The following OPCML variants were observed in gnomAD, a reference collection of about 807,000 sequenced individuals.
OPCML encodes the protein opioid binding protein/cell adhesion molecule like.
Under a neutral mutation model 37.8 loss-of-function variants are expected in OPCML, and 13 were observed. The observed-to-expected ratio is 0.34, with a 90% CI of 0.22 to 0.55. OPCML has a LOEUF of 0.55. Among genes scored for constraint, OPCML ranks in the 20% least tolerant of loss-of-function variants. The pLI is 0.91. For synonymous variants in OPCML, 176 were observed against 168.8 expected (o/e 1.04, Z -0.33); for missense variants, 341 against 435.6 (o/e 0.78, Z 1.93).
chr11:132,526,575 C>T (rs114115295), intron 4 of OPCML, among the ~76,000 whole-genome samples: 2 of 152,124 alleles, frequency 1.3e-5, no homozygotes, highest in Non-Finnish European at 2.9e-5. Flanking sequence ...AGCAAAAATA[C>T]GTGTTCTCAG....
intron 2 of OPCML, among the ~76,000 whole-genome samples, chr11:132,916,411 C>T (rs920772409): frequency 1.4e-4 from 21 of 152,162 alleles, no homozygotes; most frequent in Admixed American, 1.2e-3. Flanking sequence ...AAGCCTTCTA[C>T]TGTGGATGCG....
intron 1 of OPCML, among the ~76,000 whole-genome samples, chr11:133,248,963 G>GA (rs1245159826): frequency 6.6e-6 from 1 of 152,202 alleles, no homozygotes; most frequent in Non-Finnish European, 1.5e-5. Flanking sequence ...ATGTTAATGT[G>GA]TCTTGCAAAC....
chr11:133,488,341 A>T (rs183681728), intron 1 of OPCML, among the ~76,000 whole-genome samples: 23 of 152,290 alleles, frequency 1.5e-4, no homozygotes, highest in Admixed American at 3.3e-4. Context: ...TTCAATGATG[A>T]TATGATCTTA....
rs1280351007 is a variant in OPCML at position 133,116,805 on chromosome 11, C to CATACATATATATATATATATATATATAT, written c.62-173796_62-173795insATATATATATATATATATATATATGTAT. On this transcript the variant is annotated intron_variant, in intron 1 of 7. Coordinates refer to ENST00000524381, the MANE Select transcript of OPCML (RefSeq NM_001012393.5). ...TGTGGGAAGATATTTTAAAACTATA[C>CATACATATATATATATATATATATATAT]ATATATATATATGTATGTATCTTGT... Among the ~76,000 whole-genome samples, 678 of 144,008 alleles carry CATACATATATATATATATATATATATAT rather than the reference C, an allele frequency of 4.7e-3. 19 individuals are homozygous for CATACATATATATATATATATATATATAT. Among genetic ancestry groups the CATACATATATATATATATATATATATAT allele is most frequent in the South Asian group, 0.023 (104 of 4,504 alleles). 94.5% of individuals were successfully genotyped at this position (144,008 alleles called of 152,430 possible). A position where few individuals can be genotyped will look rare whatever the true frequency, so the allele number is the denominator to read the frequency against.
intron 2 of OPCML, among the ~76,000 whole-genome samples, chr11:132,817,847 C>T (rs189545385): frequency 1.5e-4 from 23 of 151,608 alleles, no homozygotes; most frequent in Admixed American, 6.6e-4. Context: ...TATATCAATG[C>T]GAAGAGTATT....
chr11:133,033,945 C>T (rs1199133588), intron 1 of OPCML, among the ~76,000 whole-genome samples: 1 of 152,204 alleles, frequency 6.6e-6, no homozygotes, highest in East Asian at 1.9e-4. Context: ...ATGCCAAATG[C>T]AGGATGGCCA....
intron 3 of OPCML, among the ~76,000 whole-genome samples, chr11:132,639,415 T>C (rs1940710390): frequency 6.6e-6 from 1 of 152,216 alleles, no homozygotes; most frequent in Admixed American, 6.5e-5. Flanking sequence ...GGAGCCCTGC[T>C]GGATGGTTGT....
intron 1 of OPCML, among the ~76,000 whole-genome samples, chr11:133,178,432 AATATGAATATATATAT>A (rs781482407): frequency 2.2e-4 from 33 of 151,698 alleles, no homozygotes; most frequent in South Asian, 4.1e-4. Context: ...TCACTTTTCA[AATATGAATATATATAT>A]ATATGAATAT....
intron 3 of OPCML, among the ~76,000 whole-genome samples, chr11:132,531,786 G>A (rs775726954): frequency 6.8e-6 from 1 of 146,234 alleles, no homozygotes; most frequent in Non-Finnish European, 1.5e-5. Context: ...TTTCTAGCTT[G>A]TTAAAAAATA....
chr11:132,750,962 G>T (rs1945811384), intron 2 of OPCML, among the ~76,000 whole-genome samples: 1 of 152,054 alleles, frequency 6.6e-6, no homozygotes, highest in African/African-American at 2.4e-5. Context: ...TTAATTTTAT[G>T]GGTAACATAA....
At chr11:132,484,982 T>G (rs1012317360) in intron 4 of OPCML, among the ~76,000 whole-genome samples, 1 of 152,168 alleles carries the variant, frequency 6.6e-6, no homozygotes, top group African/African-American at 2.4e-5. Flanking sequence ...GACGAGTTAG[T>G]GGGTGCAGCA....
intron 4 of OPCML, among the ~76,000 whole-genome samples, chr11:132,439,398 G>A (rs2096024297): frequency 6.6e-6 from 1 of 152,148 alleles, no homozygotes; most frequent in South Asian, 2.1e-4. Flanking sequence ...CTGGGTCTGG[G>A]TTAAGCCGGC....
intron 4 of OPCML, among the ~76,000 whole-genome samples, chr11:132,510,124 A>C (rs912221712): frequency 7.2e-5 from 11 of 152,170 alleles, no homozygotes; most frequent in African/African-American, 2.7e-4. Flanking sequence ...TGGAGCTTTA[A>C]AATTTGACCA....
intron 2 of OPCML, among the ~76,000 whole-genome samples, chr11:132,937,160 A>G (rs1945404218): frequency 1.3e-5 from 2 of 152,060 alleles, no homozygotes; most frequent in South Asian, 4.2e-4. Context: ...CCTCCACTGC[A>G]TCTTGCTGCC....
chr11:132,695,740 GA>G (rs1943577381), intron 2 of OPCML, among the ~76,000 whole-genome samples: 1 of 152,166 alleles, frequency 6.6e-6, no homozygotes, highest in Admixed American at 6.5e-5. Flanking sequence ...CAGTAAAGGG[GA>G]AAATAAAAGG....
chr11:132,617,287 T>C (rs775098495), intron 3 of OPCML, among the ~76,000 whole-genome samples: 7 of 152,158 alleles, frequency 4.6e-5, no homozygotes, highest in Non-Finnish European at 1.0e-4. Context: ...AGACAGAACA[T>C]ATATTCACAA....
At chr11:133,169,851 T>C (rs1277113253) in intron 1 of OPCML, among the ~76,000 whole-genome samples, 3 of 152,228 alleles carry the variant, frequency 2.0e-5, no homozygotes, top group Non-Finnish European at 4.4e-5. Flanking sequence ...AATCATATTA[T>C]AATTTTATAT....
intron 1 of OPCML, among the ~76,000 whole-genome samples, chr11:132,961,857 C>T (rs530241305): frequency 6.7e-4 from 102 of 152,332 alleles, no homozygotes; most frequent in Non-Finnish European, 1.2e-3. Flanking sequence ...CTTCCTCTGC[C>T]AGCCAAATTA....
At chr11:132,595,244 C>G (rs1310582546) in intron 3 of OPCML, among the ~76,000 whole-genome samples, 1 of 151,758 alleles carries the variant, frequency 6.6e-6, no homozygotes, top group Non-Finnish European at 1.5e-5. Flanking sequence ...AGAACATGAT[C>G]CAGGGAGAGG....
Sources: allele counts gnomAD v4.1 joint callset (sites outside exome capture counted in the v4.1 genomes callset), GRCh38; gene constraint gnomAD v4.1.1; transcripts MANE v1.5; gene names NCBI Gene and HGNC (gene_info 2026-07-23, HGNC 2026-07-21).